The following UTRN variants were observed in gnomAD, a reference collection of about 807,000 sequenced individuals.
UTRN encodes dystrophin-related protein 1.
A neutral mutation model predicts 463.9 loss-of-function variants in UTRN; 283 were observed. The observed-to-expected ratio is 0.61, with a 90% CI of 0.55 to 0.67. The LOEUF is 0.67. Ranked by LOEUF, UTRN falls within the 30% of genes least tolerant of loss-of-function variation. The pLI, the probability that UTRN is intolerant of heterozygous loss-of-function variation, is 0.00. For synonymous variants in UTRN, 1,442 were observed against 1,431.5 expected, an observed-to-expected ratio of 1.01 and a Z score of -0.17; for missense variants, 3,922 against 4,084.3, an observed-to-expected ratio of 0.96 and a Z score of 1.08.
intron 53 of UTRN, among the ~76,000 whole-genome samples, chr6:144,718,841 G>A (rs771501789): frequency 3.9e-5 from 6 of 152,218 alleles, no homozygotes; most frequent in Admixed American, 2.0e-4. Context: ...CCATGGTGAG[G>A]GAGTGTGGTG....
At chr6:144,487,510 A>G in intron 28 of UTRN, 38 bp from the exon 29 acceptor site, 3 of 1,554,452 alleles carry the variant, frequency 1.9e-6, no homozygotes, top group Non-Finnish European at 2.6e-6. Flanking sequence ...TTGCCTTAGT[A>G]AATGCATTAT....
chr6:144,707,319 A>G (rs548075311), intron 53 of UTRN, among the ~76,000 whole-genome samples: 3 of 152,088 alleles, frequency 2.0e-5, no homozygotes, highest in African/African-American at 4.8e-5. Flanking sequence ...TATTAGAGAG[A>G]AAAAAACCTA....
At chr6:144,340,503 C>T (rs1402068316) in intron 2 of UTRN, among the ~76,000 whole-genome samples, 1 of 152,162 alleles carries the variant, frequency 6.6e-6, no homozygotes, top group Non-Finnish European at 1.5e-5. Context: ...TCCTTTGCTT[C>T]CCTCTCTAAC....
At chr6:144,791,824 A>G (rs1392614368) in intron 62 of UTRN, among the ~76,000 whole-genome samples, 2 of 152,290 alleles carry the variant, frequency 1.3e-5, no homozygotes, top group South Asian at 2.1e-4. Context: ...GAGTAGTTTT[A>G]CTTTAATAGT....
chr6:144,397,060 A>T (rs1303238181), intron 2 of UTRN, among the ~76,000 whole-genome samples: 2 of 152,146 alleles, frequency 1.3e-5, no homozygotes, highest in Non-Finnish European at 2.9e-5. Context: ...CCTGGCCAAG[A>T]TGGTGAAACC....
chr6:144,707,497 G>A (rs1315448999), intron 53 of UTRN, among the ~76,000 whole-genome samples: 1 of 152,176 alleles, frequency 6.6e-6, no homozygotes, highest in African/African-American at 2.4e-5. Flanking sequence ...ACTGGACTCA[G>A]TGAGGCTATT....
chr6:144,459,211 T>C lies in UTRN; in HGVS notation c.2564T>C (p.Ile855Thr), dbSNP rs958550043. The C allele has an allele frequency of 1.2e-6, 2 of 1,613,374 alleles. No individual in the cohort carries two copies. The highest frequency in any genetic ancestry group is 8.5e-7 in the Non-Finnish European group (1 of 1,179,802). ...AATCTTCTTGGCCTTCACCCCAAAA[T>C]TGAAATGGCTCGTGCAAGCTGCTCG... ...LTNLLGLHPK[I>T]EMARASCSAL... is the part of the protein sequence containing the mutation. Residue 855 changes from isoleucine to threonine, a missense_variant, in exon 21 of 75, where the codon ATT becomes ACT. Ile to Thr is a moderately conservative substitution (Grantham distance 89). Around this residue, in one of 3 missense-constraint regions of UTRN, gnomAD observed 2,349 missense variants for 2,303.8 expected, o/e 1.02. Coordinates refer to ENST00000367545, the MANE Select transcript of UTRN (RefSeq NM_007124.3).
chr6:144,847,921 C>T (rs1782160087), intron 74 of UTRN, among the ~76,000 whole-genome samples: 1 of 152,136 alleles, frequency 6.6e-6, no homozygotes, highest in Admixed American at 6.5e-5. Flanking sequence ...GCCACAAAGC[C>T]ACAGCAGCTT....
intron 2 of UTRN, among the ~76,000 whole-genome samples, chr6:144,363,696 A>G (rs867927476): frequency 8.5e-5 from 13 of 152,342 alleles, no homozygotes; most frequent in South Asian, 2.1e-4. Flanking sequence ...ACAAAGTACC[A>G]TATGAATTCA....
At chr6:144,645,447 C>T (rs572320568) in intron 51 of UTRN, among the ~76,000 whole-genome samples, 1 of 152,248 alleles carries the variant, frequency 6.6e-6, no homozygotes, top group African/African-American at 2.4e-5. Flanking sequence ...GGGCTTTCCT[C>T]TTAGTTCAAT....
chr6:144,424,127 T>C, intron 6 of UTRN, 49 bp downstream of exon 6: 1 of 1,590,706 alleles, frequency 6.3e-7, no homozygotes, highest in Non-Finnish European at 8.6e-7. Context: ...AATGTGTTGT[T>C]TGTCTTTTAG....
At chr6:144,556,424 T>C (rs1799389227) in intron 49 of UTRN, among the ~76,000 whole-genome samples, 2 of 152,218 alleles carry the variant, frequency 1.3e-5, no homozygotes, top group Non-Finnish European at 2.9e-5. Flanking sequence ...GTGATGTCAG[T>C]GTTTCAGTTA....
chr6:144,596,513 T>C (rs1052793884), intron 51 of UTRN, among the ~76,000 whole-genome samples: 1 of 152,174 alleles, frequency 6.6e-6, no homozygotes, highest in African/African-American at 2.4e-5. Context: ...TGCGATGATA[T>C]GGATATATTC....
At chr6:144,801,172 A>G (rs941172588) in intron 64 of UTRN, among the ~76,000 whole-genome samples, 7 of 152,172 alleles carry the variant, frequency 4.6e-5, no homozygotes, top group African/African-American at 1.7e-4. Flanking sequence ...TGTTTTCTAC[A>G]TTGAGAATAT....
At chr6:144,418,431 G>T (rs1224082767) in intron 3 of UTRN, among the ~76,000 whole-genome samples, 2 of 150,136 alleles carry the variant, frequency 1.3e-5, no homozygotes, top group African/African-American at 4.9e-5. Flanking sequence ...CACTGTGTTA[G>T]CCAGGATGGT....
Position 144,585,535 on chromosome 6 carries a change from T to A in UTRN, c.7479+8247T>A, listed in dbSNP as rs9373416. Among the ~76,000 whole-genome samples the A allele has an allele frequency of 3.1e-4, 47 of 152,274 alleles. No individual in the cohort carries two copies. The East Asian group carries it at 8.7e-3, about 28-fold the overall frequency. On this transcript the variant is annotated intron_variant, in intron 51 of 74. Coordinates refer to ENST00000367545, the MANE Select transcript of UTRN (RefSeq NM_007124.3). ...TAGTAACAGATAAATTTTATTTGTGTGGTTATATTTTGAAAACTGATCTAA... is the reference window on the plus strand; with the variant it reads ...TAGTAACAGATAAATTTTATTTGTGAGGTTATATTTTGAAAACTGATCTAA...
chr6:144,498,716 A>G (rs1793895425), intron 33 of UTRN, among the ~76,000 whole-genome samples: 1 of 151,728 alleles, frequency 6.6e-6, no homozygotes, highest in African/African-American at 2.4e-5. Context: ...GTGCAGTGGC[A>G]GGATCACGGC....
chr6:144,700,165 G>T lies in UTRN; in HGVS notation c.7731G>T (p.Met2577Ile), dbSNP rs1466596210. 2 of 1,613,672 alleles carry T rather than the reference G, an allele frequency of 1.2e-6. No homozygotes were observed. The highest frequency in any genetic ancestry group is 3.3e-5 in the Admixed American group (2 of 59,990). ...AAGAACTGATCAAATGGCTGAATAT[G>T]AAAGATGAAGAGCTTAAGAAACAAA... is the stretch of plus-strand genomic sequence containing the variant. ...SLEELIKWLNMKDEELKKQMP... is the reference protein window; with the variant it reads ...SLEELIKWLNIKDEELKKQMP... The change falls in exon 53 of 75, where the codon ATG (methionine) becomes ATT (isoleucine). Residue 2577 changes from methionine (M) to isoleucine (I), a missense_variant. By Grantham distance (10) the Met-to-Ile change is conservative (BLOSUM62 1). This residue lies in a region of UTRN where 1,309 missense variants were observed against 1,452.6 expected (regional missense o/e 0.90). Transcript: ENST00000367545.
At chr6:144,360,292 C>T (rs1159708667) in intron 2 of UTRN, among the ~76,000 whole-genome samples, 1 of 151,914 alleles carries the variant, frequency 6.6e-6, no homozygotes, top group East Asian at 1.9e-4. Context: ...CCTGCCTCAG[C>T]CTCCCGAGTA....
Sources: gnomAD v4.1 joint callset for allele counts (sites outside exome capture counted in the v4.1 genomes callset) on GRCh38, gnomAD v4.1.1 for gene constraint, gnomAD v4.1.1 regional missense constraint, MANE v1.5 for transcripts, NCBI Gene and HGNC (gene_info 2026-07-23, HGNC 2026-07-21) for gene names.